The following GTF2H1 variants were observed in gnomAD, a reference collection of about 807,000 sequenced individuals.
GTF2H1 encodes BTF2 p62.
In GTF2H1, 16 loss-of-function variants were observed where a neutral mutation model predicts 71.2. The ratio of observed to expected loss-of-function variants is 0.22; its 90% CI spans 0.15 to 0.34. GTF2H1 has a LOEUF of 0.34. GTF2H1 is among the 10% of genes least tolerant of loss of function. The probability of loss-of-function intolerance (pLI) is 1.00; values close to 1 mark genes in which losing one functional copy is unlikely to be tolerated. For synonymous variants in GTF2H1, 215 were observed against 219.0 expected (o/e 0.98, Z 0.16); for missense variants, 498 against 648.2 (o/e 0.77, Z 2.52).
At chr11:18,357,855 T>A in intron 11 of GTF2H1, 97 bp from the exon 12 acceptor site, 6 of 749,154 alleles carry the variant, frequency 8.0e-6, no homozygotes, top group South Asian at 7.5e-5. Flanking sequence ...GGAAAAGCAC[T>A]TCATTGTCTG....
intron 7 of GTF2H1, among the ~76,000 whole-genome samples, chr11:18,345,615 C>A (rs1299597621): frequency 2.8e-4 from 43 of 151,640 alleles, no homozygotes; most frequent in Admixed American, 2.8e-3. Context: ...TCTCCTCCCT[C>A]AGCTTCCTGA....
At position 18,351,956 on chromosome 11, in the gene GTF2H1, A is replaced by G. The variant is rs200213892; in HGVS notation, c.1129A>G (p.Lys377Glu). ...TGTAAAAACGATTGCACTAAACCTC[A>G]AGAAGTCAGATAGGTAAGTTTGGTC... ...NSVKTIALNL[K>E]KSDRYYHGPT... The change falls in exon 10 of 15, where the codon AAG (lysine) becomes GAG (glutamate). Residue 377 changes from lysine (K) to glutamate (E), a missense_variant. This residue lies in a region of GTF2H1 where 266 missense variants were observed against 301.6 expected (regional missense o/e 0.88). Transcript: ENST00000265963. 178 of 1,577,902 alleles carry G rather than the reference A, an allele frequency of 1.1e-4. No individual in the cohort carries two copies. Among genetic ancestry groups the G allele is most frequent in the Non-Finnish European group, 1.5e-4 (171 of 1,147,454 alleles).
chr11:18,338,241 T>TAAA lies in GTF2H1; in HGVS notation c.482_483insAAA (p.Lys161dup). Reference sequence around the variant, plus strand: ...CAGATAGTTCTTCCACATCCAATCATAAGCAGGATGTTGGCATTTCTGCTG... The same window carrying TAAA: ...CAGATAGTTCTTCCACATCCAATCATAAAAAGCAGGATGTTGGCATTTCTGCTG... On this transcript the variant is annotated inframe_insertion, in exon 4 of 15. Transcript: ENST00000265963. 1 of 1,610,804 alleles carries TAAA rather than the reference T, an allele frequency of 6.2e-7. No homozygotes were observed. Among genetic ancestry groups the TAAA allele is most frequent in the East Asian group, 2.2e-5 (1 of 44,850 alleles).
At chr11:18,339,424 A>G (rs1865104844) in intron 4 of GTF2H1, 140 bp from the exon 5 acceptor site, 3 of 563,458 alleles carry the variant, frequency 5.3e-6, no homozygotes, top group South Asian at 2.5e-5. Context: ...CCTCTGTGCA[A>G]AAAGTGAAGG....
At chr11:18,361,795 T>C (rs992980098) in intron 14 of GTF2H1, among the ~76,000 whole-genome samples, 17 of 152,230 alleles carry the variant, frequency 1.1e-4, no homozygotes, top group Non-Finnish European at 2.1e-4. Flanking sequence ...CTACTCATAG[T>C]AAGCAAAACT....
chr11:18,339,790 G>A (rs923147128), intron 5 of GTF2H1, 133 bp downstream of exon 5: 30 of 594,140 alleles, frequency 5.0e-5, no homozygotes, highest in African/African-American at 4.0e-4. Context: ...CCCAGTGCCT[G>A]ACATATGGTA....
intron 9 of GTF2H1, among the ~76,000 whole-genome samples, chr11:18,350,166 T>C (rs1865392759): frequency 6.6e-6 from 1 of 152,226 alleles, no homozygotes; most frequent in East Asian, 1.9e-4. Flanking sequence ...GGTTACAATT[T>C]ATAGATTCTC....
chr11:18,335,085 T>C (rs189865166), intron 2 of GTF2H1, among the ~76,000 whole-genome samples: 51 of 152,306 alleles, frequency 3.3e-4, no homozygotes, highest in Non-Finnish European at 5.9e-5. Flanking sequence ...CTCCTCAAGG[T>C]TTTAATTTAT....
chr11:18,339,538 G>A lies in GTF2H1; in HGVS notation c.514-26G>A, dbSNP rs773222024. 2.8e-5 allele frequency: 42 copies of A among 1,504,146 alleles called. No homozygotes were observed. The South Asian group carries it at 4.6e-4, about 17-fold the overall frequency. The allele number at this position is 1,504,146 out of a possible 1,614,324, so 93.2% of individuals were successfully genotyped here. On this transcript the variant is annotated intron_variant, in intron 4 of 14. Transcript: ENST00000265963. ...CCATCTTTCCCTGATGCTCTAACGT[G>A]TATGTGTGTATGGGCTTTGTTTTAG...
rs560583780 is a variant in GTF2H1, at chr11:18,346,279, C to T, written c.838-1309C>T. On this transcript the variant is annotated intron_variant, in intron 7 of 14. Coordinates refer to ENST00000265963, the MANE Select transcript of GTF2H1 (RefSeq NM_005316.4). ...GTTGCCAGGCTGGACTTGAACTCTTCGGCTCAACAGTTCTTCTGCCTCAAC... is the reference window on the plus strand; with the variant it reads ...GTTGCCAGGCTGGACTTGAACTCTTTGGCTCAACAGTTCTTCTGCCTCAAC... Among the ~76,000 whole-genome samples, 7 of 152,286 alleles carry T rather than the reference C, an allele frequency of 4.6e-5. No homozygotes were observed. The East Asian group carries it at 5.8e-4, about 13-fold the overall frequency.
rs567375544 is a variant in GTF2H1, at chr11:18,341,530, C to G, written c.760C>G (p.Leu254Val). ...AECAKIDEKG[L>V]KTMVSLGVKN... ...TTTTTATTTTGTTGATTTTCTAGGC[C>G]TAAAAACAATGGTTTCATTAGGAGT... The change falls in exon 7 of 15, where the codon CTA becomes GTA. Residue 254 changes from leucine to valine, a missense_variant and splice_region_variant. Physicochemically the swap from Leu to Val is conservative, Grantham distance 32 (BLOSUM62 1). Around this residue, in one of 3 missense-constraint regions of GTF2H1, gnomAD observed 216 missense variants for 306.2 expected, o/e 0.71. Coordinates refer to ENST00000265963, the MANE Select transcript of GTF2H1 (RefSeq NM_005316.4). 1.7e-5 allele frequency: 28 copies of G among 1,609,784 alleles called. 1 individual carries two copies. The South Asian group carries it at 2.9e-4, about 17-fold the overall frequency.
intron 5 of GTF2H1, among the ~76,000 whole-genome samples, chr11:18,340,866 C>T (rs554364924): frequency 3.3e-5 from 5 of 152,114 alleles, no homozygotes; most frequent in South Asian, 4.2e-4. Flanking sequence ...GTGTGTAAGC[C>T]GCTGGAGTGC....
rs1292690439 is a variant in GTF2H1, at chr11:18,362,085, A to T, written c.1560+1378A>T. Among the ~76,000 whole-genome samples, 5 of 152,342 alleles carry T rather than the reference A, an allele frequency of 3.3e-5. No homozygotes were observed. In the East Asian group the frequency reaches 7.7e-4, roughly 23 times the overall value. On this transcript the variant is annotated intron_variant, in intron 14 of 14. Transcript: ENST00000265963. ...TTGTTGTATGAACCTCACAGAGTGT[A>T]CTTAAAACCTAGCTATATAGCCTAC...
intron 2 of GTF2H1, 133 bp from the exon 3 acceptor site, chr11:18,335,620 CA>C: frequency 1.6e-6 from 1 of 624,204 alleles, no homozygotes; most frequent in Admixed American, 2.9e-5. Flanking sequence ...GTGCATTCTA[CA>C]AAAGCATCAG....
chr11:18,330,117 T>A (rs1178005217), intron 1 of GTF2H1, among the ~76,000 whole-genome samples: 1 of 152,214 alleles, frequency 6.6e-6, no homozygotes, highest in African/African-American at 2.4e-5. Context: ...GCCTAAGACC[T>A]ATGTATTTGT....
At chr11:18,362,668 C>CTTTTTTTT (rs35306497) in intron 14 of GTF2H1, among the ~76,000 whole-genome samples, 6 of 107,926 alleles carry the variant, frequency 5.6e-5, no homozygotes, top group African/African-American at 7.9e-5. Flanking sequence ...TTTTCTTTTT[C>CTTTTTTTT]TTTTTTTTTT....
chr11:18,356,792 T>G (rs575455101), intron 11 of GTF2H1, among the ~76,000 whole-genome samples: 9 of 149,640 alleles, frequency 6.0e-5, no homozygotes, highest in African/African-American at 1.2e-4. Flanking sequence ...TCTTTGTTTT[T>G]TTTTTTTTTT....
At position 18,352,315 on chromosome 11, in the gene GTF2H1, G is replaced by T. The variant is rs2133981113; in HGVS notation, c.1143-14G>T. ...CTGTGTGTGATTAGTAATTTCTTCT[G>T]TGCTAACCTGCAGGTATTATCATGG... On this transcript the variant is annotated splice_polypyrimidine_tract_variant and intron_variant, in intron 10 of 14. Transcript: ENST00000265963. 1 of 1,123,852 alleles carries T rather than the reference G, an allele frequency of 8.9e-7. No homozygotes were observed. Among genetic ancestry groups the T allele is most frequent in the Non-Finnish European group, 1.4e-6 (1 of 737,868 alleles). The allele number at this position is 1,123,852 out of a possible 1,614,324, so 69.6% of individuals were successfully genotyped here.
chr11:18,335,998 T>C, intron 3 of GTF2H1, 52 bp downstream of exon 3: 2 of 1,358,316 alleles, frequency 1.5e-6, no homozygotes, highest in Non-Finnish European at 2.0e-6. Flanking sequence ...CTCTATAGTC[T>C]CCTAGTATGC....
Sources: gnomAD v4.1 joint callset for allele counts (sites outside exome capture counted in the v4.1 genomes callset) on GRCh38, gnomAD v4.1.1 for gene constraint, gnomAD v4.1.1 regional missense constraint, MANE v1.5 for transcripts, NCBI Gene and HGNC (gene_info 2026-07-23, HGNC 2026-07-21) for gene names.